Variants in SLC15A1 observed in about 807,000 individuals in gnomAD.
SLC15A1 encodes solute carrier family 15 member 1, also known as Caco-2 oligopeptide transporter.
Under a neutral mutation model 92.9 loss-of-function variants are expected in SLC15A1, and 83 were observed. That is an observed-to-expected ratio of 0.89 (90% CI 0.75 to 1.07). SLC15A1 has a LOEUF of 1.07. Among genes scored for constraint, SLC15A1 ranks in the 50% least tolerant of loss-of-function variants. The probability of loss-of-function intolerance (pLI) is 0.00; values close to 1 mark genes in which losing one functional copy is unlikely to be tolerated. For synonymous variants in SLC15A1, 322 were observed against 318.2 expected, an observed-to-expected ratio of 1.01 and a Z score of -0.13; for missense variants, 857 against 880.1, an observed-to-expected ratio of 0.97 and a Z score of 0.33.
At chr13:98,707,525 G>A (rs374559717) in intron 15 of SLC15A1, among the ~76,000 whole-genome samples, 5 of 152,268 alleles carry the variant, frequency 3.3e-5, no homozygotes, top group East Asian at 1.9e-4. Flanking sequence ...AATGGGTACA[G>A]AATTTCAGTT....
At chr13:98,743,997 A>G (rs990818116) in intron 1 of SLC15A1, among the ~76,000 whole-genome samples, 1 of 152,038 alleles carries the variant, frequency 6.6e-6, no homozygotes, top group African/African-American at 2.4e-5. Flanking sequence ...GTCACAGGAG[A>G]AAATGACTCT....
In SLC15A1 at chr13:98,751,770, C is replaced by A. The variant is rs114931157; in HGVS notation, c.4+825G>T. Among the ~76,000 whole-genome samples, 518 of 152,358 alleles carry A rather than the reference C, an allele frequency of 3.4e-3. 3 individuals carry two copies. The highest frequency in any genetic ancestry group is 0.012 in the African/African-American group (500 of 41,590). ...CAGGACCACTGAGGCAGCCACCGAC[C>A]GACATTCCTGTCTACAGGCTCAGAT... On this transcript the variant is annotated intron_variant, in intron 1 of 22. Transcript: ENST00000376503.
chr13:98,746,412 G>A (rs1654090705), intron 1 of SLC15A1, among the ~76,000 whole-genome samples: 1 of 152,124 alleles, frequency 6.6e-6, no homozygotes, highest in Admixed American at 6.5e-5. Flanking sequence ...GGGTCAAATG[G>A]TAGTTCTTGG....
intron 8 of SLC15A1, among the ~76,000 whole-genome samples, chr13:98,718,473 C>A (rs1385866609): frequency 6.6e-6 from 1 of 151,670 alleles, no homozygotes; most frequent in Admixed American, 6.6e-5. Flanking sequence ...GTATAAGCCA[C>A]AGCACCCAGC....
chr13:98,686,088 C>T, intron 22 of SLC15A1, 102 bp downstream of exon 22: 1 of 835,516 alleles, frequency 1.2e-6, no homozygotes, highest in Non-Finnish European at 2.0e-6. Context: ...AGCTATTAGC[C>T]TAGATGACCA....
rs530133200 is a variant in SLC15A1, at chr13:98,750,425, A to G, written c.4+2170T>C. On this transcript the variant is annotated intron_variant, in intron 1 of 22. Coordinates refer to ENST00000376503, the MANE Select transcript of SLC15A1 (RefSeq NM_005073.4). The stretch of plus-strand genomic sequence containing the variant: ...CGCGCCCAGCCCCAAAGCAACTTCT[A>G]TTTATTCTGTTAACTGTTGTGGATT... 1.3e-4 allele frequency among the ~76,000 whole-genome samples: 20 copies of G among 152,196 alleles called. No homozygotes were observed. In the South Asian group the frequency reaches 4.2e-3, roughly 32 times the overall value.
At chr13:98,714,770 T>C (rs2088199728) in intron 9 of SLC15A1, among the ~76,000 whole-genome samples, 1 of 150,506 alleles carries the variant, frequency 6.6e-6, no homozygotes. Flanking sequence ...ATCCATAAGA[T>C]TCACACATGT....
At chr13:98,704,213 A>T in intron 17 of SLC15A1, 76 bp downstream of exon 17, 1 of 1,440,230 alleles carries the variant, frequency 6.9e-7, no homozygotes, top group East Asian at 2.4e-5. Flanking sequence ...GGAGTAAAAC[A>T]AAGTCACACC....
At chr13:98,741,739 A>C (rs1416731798) in intron 1 of SLC15A1, among the ~76,000 whole-genome samples, 1 of 151,920 alleles carries the variant, frequency 6.6e-6, no homozygotes, top group East Asian at 1.9e-4. Context: ...AAAAAAAAAA[A>C]AAAAAGGCCT....
chr13:98,727,844 T>A (rs2088315473), intron 1 of SLC15A1, among the ~76,000 whole-genome samples: 1 of 152,200 alleles, frequency 6.6e-6, no homozygotes, highest in African/African-American at 2.4e-5. Context: ...ATTAGAGTTC[T>A]TTGTTGCCAG....
chr13:98,713,974 A>G (rs1180824709), intron 9 of SLC15A1, among the ~76,000 whole-genome samples: 3 of 151,226 alleles, frequency 2.0e-5, no homozygotes, highest in South Asian at 2.1e-4. Flanking sequence ...AATTGCTTGA[A>G]TCTGGGAGAC....
Position 98,709,846 on chromosome 13 carries a change from A to C in SLC15A1, c.945+21T>G, listed in dbSNP as rs780697294. On this transcript the variant is annotated intron_variant, in intron 12 of 22. Coordinates refer to ENST00000376503, the MANE Select transcript of SLC15A1 (RefSeq NM_005073.4). ...AAGAAGAAAGGGGACAAAGAAACTA[A>C]AACAAAGGAGTCAAACTTACGATTT... 1.5e-5 allele frequency: 24 copies of C among 1,614,076 alleles called. No homozygotes were observed. In the South Asian group the frequency reaches 2.5e-4, roughly 17 times the overall value.
intron 18 of SLC15A1, among the ~76,000 whole-genome samples, chr13:98,698,410 T>C (rs1393988468): frequency 2.0e-5 from 3 of 152,084 alleles, no homozygotes; most frequent in Non-Finnish European, 2.9e-5. Flanking sequence ...TCACCACCAT[T>C]TGTATTAGTA....
chr13:98,695,344 T>G (rs2088013538), intron 18 of SLC15A1, among the ~76,000 whole-genome samples: 1 of 151,934 alleles, frequency 6.6e-6, no homozygotes, highest in Admixed American at 6.6e-5. Context: ...GCCTCAGCCT[T>G]CCGAGTAGCT....
chr13:98,721,726 C>T, intron 6 of SLC15A1, 78 bp downstream of exon 6: 3 of 1,418,548 alleles, frequency 2.1e-6, no homozygotes, highest in South Asian at 2.5e-5. Context: ...CGATGTAGAA[C>T]AGACTTTGTG....
chr13:98,749,154 A>G (rs2088520766), intron 1 of SLC15A1, among the ~76,000 whole-genome samples: 1 of 152,182 alleles, frequency 6.6e-6, no homozygotes, highest in African/African-American at 2.4e-5. Flanking sequence ...GTACTTCAAT[A>G]TTGTTCTTCG....
chr13:98,700,809 T>A (rs1347526147), intron 18 of SLC15A1, among the ~76,000 whole-genome samples: 1 of 152,228 alleles, frequency 6.6e-6, no homozygotes, highest in Non-Finnish European at 1.5e-5. Context: ...TTGTTGAAAA[T>A]ACTTCCCTTA....
chr13:98,721,836 C>T lies in SLC15A1; in HGVS notation c.433G>A (p.Ala145Thr). The T allele has an allele frequency of 3.1e-6, 5 of 1,614,174 alleles. No individual in the cohort carries two copies. The Admixed American group carries it at 8.3e-5, about 27-fold the overall frequency. Residue 145 changes from alanine (A) to threonine (T), a missense_variant, in exon 6 of 23, where the codon GCG becomes ACG. Ala to Thr is a moderately conservative substitution (Grantham distance 58). Transcript: ENST00000376503. Reference protein sequence around the residue: ...GTGGIKPCVSAFGGDQFEEGQ... With the variant: ...GTGGIKPCVSTFGGDQFEEGQ... ...TCTTCAAACTGATCTCCACCAAACG[C>T]AGACACACAGGGTTTGATTCCTCCA...
chr13:98,719,360 G>A (rs377244871), intron 7 of SLC15A1, 40 bp from the exon 8 acceptor site: 11 of 1,409,258 alleles, frequency 7.8e-6, no homozygotes, highest in Middle Eastern at 1.8e-4. Flanking sequence ...TATGGCATTG[G>A]TAATGAGCAT....
Sources: allele counts gnomAD v4.1 joint callset (sites outside exome capture counted in the v4.1 genomes callset), GRCh38; gene constraint gnomAD v4.1.1; transcripts MANE v1.5; gene names NCBI Gene and HGNC (gene_info 2026-07-23, HGNC 2026-07-21).